The following PLA2G10 variants were observed in gnomAD, a reference collection of about 807,000 sequenced individuals.
PLA2G10 encodes the protein group 10 secretory phospholipase A2.
In PLA2G10, 9 loss-of-function variants were observed where a neutral mutation model predicts 7.9. That is an observed-to-expected ratio of 1.14 (90% confidence interval 0.68 to 1.98). The LOEUF is 1.98. Among genes scored for constraint, PLA2G10 ranks in the 30% most tolerant of loss-of-function variants. The pLI is 0.00. For missense variants in PLA2G10, 53 were observed against 65.4 expected (o/e 0.81, Z 0.66); for synonymous variants, 19 against 27.5 (o/e 0.69, Z 0.97).
intron 3 of PLA2G10, among the ~76,000 whole-genome samples, chr16:14,673,831 G>A (rs938913112): frequency 1.3e-5 from 2 of 152,134 alleles, no homozygotes; most frequent in Non-Finnish European, 2.9e-5. Flanking sequence ...GCTGGAACAA[G>A]ACAAGGATGC....
intron 3 of PLA2G10, among the ~76,000 whole-genome samples, chr16:14,681,612 A>AT (rs1278905619): frequency 1.3e-5 from 2 of 151,830 alleles, no homozygotes; most frequent in East Asian, 1.9e-4. Flanking sequence ...ATAGGTTTAA[A>AT]TTTTTTTTAA....
At chr16:14,680,454 G>C (rs923148201) in intron 3 of PLA2G10, among the ~76,000 whole-genome samples, 5 of 152,090 alleles carry the variant, frequency 3.3e-5, no homozygotes, top group African/African-American at 1.2e-4. Context: ...GCAGTGGCAT[G>C]ATCACGGCTC....
rs562806010 is a variant in PLA2G10 at position 14,685,308 on chromosome 16, G to T, written c.355+2857C>A. ...AATCGCTTGAACCCGGGAGGCGGAGGTTGCAGTAAGCCGAGATGGCACCAC... is the reference window on the plus strand; with the variant it reads ...AATCGCTTGAACCCGGGAGGCGGAGTTTGCAGTAAGCCGAGATGGCACCAC... On this transcript the variant is annotated intron_variant, in intron 3 of 3. Transcript: ENST00000438167. 9.9e-5 allele frequency among the ~76,000 whole-genome samples: 15 copies of T among 151,342 alleles called. No individual in the cohort carries two copies. The South Asian group carries it at 2.1e-3, about 21-fold the overall frequency.
At chr16:14,677,565 C>T (rs1960756257) in intron 3 of PLA2G10, among the ~76,000 whole-genome samples, 1 of 152,150 alleles carries the variant, frequency 6.6e-6, no homozygotes, top group Admixed American at 6.6e-5. Flanking sequence ...CCGGGTTTTA[C>T]CATGTTGGCC....
At chr16:14,680,564 G>A (rs1960862495) in intron 3 of PLA2G10, among the ~76,000 whole-genome samples, 2 of 152,078 alleles carry the variant, frequency 1.3e-5, no homozygotes, top group African/African-American at 4.8e-5. Context: ...GTCTCGCTAT[G>A]TTGCCCAGGC....
intron 3 of PLA2G10, among the ~76,000 whole-genome samples, chr16:14,678,448 A>G (rs988588990): frequency 6.6e-6 from 1 of 152,158 alleles, no homozygotes. Flanking sequence ...GGTTTGTACC[A>G]TATGGCAACC....
intron 3 of PLA2G10, among the ~76,000 whole-genome samples, chr16:14,681,278 C>G (rs535195691): frequency 2.1e-4 from 32 of 152,144 alleles, no homozygotes; most frequent in African/African-American, 7.0e-4. Flanking sequence ...TCACACAACC[C>G]CAGCAACTCT....
chr16:14,673,951 C>T (rs1960658596), intron 3 of PLA2G10, among the ~76,000 whole-genome samples: 1 of 152,062 alleles, frequency 6.6e-6, no homozygotes, highest in South Asian at 2.1e-4. Flanking sequence ...ATCAAACTAC[C>T]TCTGCCAATG....
At chr16:14,678,663 A>G in intron 3 of PLA2G10, 2 of 369,944 alleles carry the variant, frequency 5.4e-6, no homozygotes, top group Admixed American at 3.1e-5. Context: ...CCAGCTACTC[A>G]GGAGGCTGAG....
In PLA2G10 at chr16:14,684,428, G is replaced by A. The variant is rs143691647; in HGVS notation, c.355+3737C>T. ...ATGCCTGTAATCCCAGCACTTTGGA[G>A]GCCAATGTGGGTGGATTGCTTGAGG... On this transcript the variant is annotated intron_variant, in intron 3 of 3. Transcript: ENST00000438167. 1.0e-2 allele frequency among the ~76,000 whole-genome samples: 1,511 copies of A among 151,754 alleles called. 27 individuals are homozygous for A. The highest frequency in any genetic ancestry group is 0.035 in the African/African-American group (1,440 of 41,356).
intron 3 of PLA2G10, chr16:14,678,849 C>G (rs577598841): frequency 8.1e-4 from 249 of 308,574 alleles, no homozygotes; most frequent in Non-Finnish European, 1.0e-3. Flanking sequence ...AGAGAAGAGC[C>G]TCCAATGCCC....
At chr16:14,675,425 T>A (rs973187732) in intron 3 of PLA2G10, among the ~76,000 whole-genome samples, 36 of 152,076 alleles carry the variant, frequency 2.4e-4, no homozygotes, top group African/African-American at 8.7e-4. Flanking sequence ...AAGGAATTTA[T>A]GACTAAGACC....
In PLA2G10 at chr16:14,680,652, G is replaced by A. The variant is rs187265208; in HGVS notation, c.355+7513C>T. 1.9e-3 allele frequency among the ~76,000 whole-genome samples: 283 copies of A among 152,222 alleles called. 2 individuals carry two copies. The highest frequency in any genetic ancestry group is 6.5e-3 in the African/African-American group (271 of 41,538). On this transcript the variant is annotated intron_variant, in intron 3 of 3. Coordinates refer to ENST00000438167, the MANE Select transcript of PLA2G10 (RefSeq NM_003561.3). ...GTTGGGATTACAGGTGGGAGCCATCGTACTCAGCCCATCATATTTTCAAAG... is the reference window on the plus strand; with the variant it reads ...GTTGGGATTACAGGTGGGAGCCATCATACTCAGCCCATCATATTTTCAAAG...
At chr16:14,680,636 A>C (rs1960864499) in intron 3 of PLA2G10, among the ~76,000 whole-genome samples, 1 of 152,154 alleles carries the variant, frequency 6.6e-6, no homozygotes, top group Non-Finnish European at 1.5e-5. Flanking sequence ...TGTTGGGATT[A>C]CAGGTGGGAG....
chr16:14,684,480 A>G (rs1960992803), intron 3 of PLA2G10, among the ~76,000 whole-genome samples: 1 of 151,992 alleles, frequency 6.6e-6, no homozygotes, highest in Non-Finnish European at 1.5e-5. Flanking sequence ...AGCCTGACCA[A>G]CAGGGTGAAA....
chr16:14,675,748 A>G (rs373457299), intron 3 of PLA2G10, among the ~76,000 whole-genome samples: 29 of 151,588 alleles, frequency 1.9e-4, no homozygotes, highest in Non-Finnish European at 2.5e-4. Context: ...AGACCAGCCT[A>G]GCCAACATGG....
intron 3 of PLA2G10, among the ~76,000 whole-genome samples, chr16:14,674,546 C>A (rs1047562330): frequency 6.6e-6 from 1 of 151,834 alleles, no homozygotes; most frequent in African/African-American, 2.4e-5. Context: ...ACTAAAAATA[C>A]AAAAATTAGC....
At chr16:14,675,163 C>G (rs1164337444) in intron 3 of PLA2G10, among the ~76,000 whole-genome samples, 1 of 147,120 alleles carries the variant, frequency 6.8e-6, no homozygotes, top group African/African-American at 2.5e-5. Context: ...AAGAGTGAAA[C>G]TCCATCTCAA....
chr16:14,686,682 T>C (rs1038286741), intron 3 of PLA2G10, among the ~76,000 whole-genome samples: 20 of 152,202 alleles, frequency 1.3e-4, no homozygotes, highest in African/African-American at 4.6e-4. Context: ...GTATTTTTAG[T>C]AGAGACAGGG....
Sources: gnomAD v4.1 joint callset for allele counts (sites outside exome capture counted in the v4.1 genomes callset) on GRCh38, gnomAD v4.1.1 for gene constraint, MANE v1.5 for transcripts, NCBI Gene and HGNC (gene_info 2026-07-23, HGNC 2026-07-21) for gene names.